The following FAF1 variants were observed in gnomAD, a reference collection of about 807,000 sequenced individuals.
FAF1 encodes FAS-associated factor 1.
In FAF1, 25 loss-of-function variants were observed where a neutral mutation model predicts 92.5. That is an observed-to-expected ratio of 0.27 (90% CI 0.20 to 0.38). FAF1 has a LOEUF of 0.38. Among genes scored for constraint, FAF1 ranks in the 10% least tolerant of loss-of-function variants. The pLI is 1.00. For missense variants in FAF1, 636 were observed against 793.3 expected (o/e 0.80, Z 2.38); for synonymous variants, 234 against 273.2 (o/e 0.86, Z 1.42).
intron 9 of FAF1, among the ~76,000 whole-genome samples, chr1:50,594,552 T>C (rs1651694280): frequency 6.6e-6 from 1 of 151,118 alleles, no homozygotes; most frequent in African/African-American, 2.4e-5. Flanking sequence ...AATTTAAATA[T>C]TTCCTTATAA....
At chr1:50,541,978 G>A (rs1212844774) in intron 13 of FAF1, among the ~76,000 whole-genome samples, 3 of 151,990 alleles carry the variant, frequency 2.0e-5, no homozygotes, top group South Asian at 4.2e-4. Flanking sequence ...GCATGTTTGC[G>A]GTGCAGATCG....
intron 2 of FAF1, among the ~76,000 whole-genome samples, chr1:50,804,483 G>A (rs1453252625): frequency 6.6e-6 from 1 of 152,080 alleles, no homozygotes; most frequent in East Asian, 1.9e-4. Context: ...GTGTTACAGA[G>A]GAGGCAAAGA....
chr1:50,571,477 T>C (rs1255533743), intron 12 of FAF1, among the ~76,000 whole-genome samples: 4 of 152,206 alleles, frequency 2.6e-5, no homozygotes, highest in African/African-American at 9.6e-5. Flanking sequence ...TAGTAGGTGC[T>C]GAATGAAAGG....
chr1:50,744,397 G>A (rs1659508350), intron 5 of FAF1, among the ~76,000 whole-genome samples: 1 of 151,964 alleles, frequency 6.6e-6, no homozygotes, highest in Non-Finnish European at 1.5e-5. Flanking sequence ...TTGAGAAAAA[G>A]GTAAAGCCTC....
At chr1:50,942,290 C>T (rs886657959) in intron 1 of FAF1, among the ~76,000 whole-genome samples, 1 of 152,094 alleles carries the variant, frequency 6.6e-6, no homozygotes, top group South Asian at 2.1e-4. Flanking sequence ...CGCTTGAGCC[C>T]GGGAGTTTGA....
At chr1:50,464,353 C>T (rs955572017) in intron 18 of FAF1, among the ~76,000 whole-genome samples, 1 of 152,080 alleles carries the variant, frequency 6.6e-6, no homozygotes, top group Non-Finnish European at 1.5e-5. Flanking sequence ...TTATTATCTG[C>T]CTTTTACAGG....
chr1:50,639,144 T>G (rs1409178743), intron 8 of FAF1, among the ~76,000 whole-genome samples: 1 of 152,256 alleles, frequency 6.6e-6, no homozygotes, highest in Non-Finnish European at 1.5e-5. Flanking sequence ...TGCTTTTCAT[T>G]TGGAGTAGCA....
At chr1:50,602,653 C>T (rs532709018) in intron 8 of FAF1, among the ~76,000 whole-genome samples, 1 of 151,946 alleles carries the variant, frequency 6.6e-6, no homozygotes, top group Non-Finnish European at 1.5e-5. Context: ...CAGGTGCATG[C>T]CACCAAGTCC....
intron 15 of FAF1, among the ~76,000 whole-genome samples, chr1:50,512,903 T>G (rs1471729152): frequency 1.3e-5 from 2 of 152,232 alleles, no homozygotes; most frequent in Non-Finnish European, 2.9e-5. Context: ...GTCTATCTAT[T>G]GATTTGGTAA....
At chr1:50,635,941 G>C (rs1653988308) in intron 8 of FAF1, among the ~76,000 whole-genome samples, 1 of 152,168 alleles carries the variant, frequency 6.6e-6, no homozygotes, top group South Asian at 2.1e-4. Context: ...CATATGGTTT[G>C]GCCAGTGTAA....
At chr1:50,835,502 C>T (rs1055058586) in intron 2 of FAF1, among the ~76,000 whole-genome samples, 18 of 131,702 alleles carry the variant, frequency 1.4e-4, no homozygotes, top group Non-Finnish European at 2.6e-4. Context: ...ACCCAGGAGG[C>T]GGGGGTTGCA....
chr1:50,468,538 C>A (rs1407619444), intron 18 of FAF1, among the ~76,000 whole-genome samples: 1 of 151,426 alleles, frequency 6.6e-6, no homozygotes, highest in Non-Finnish European at 1.5e-5. Flanking sequence ...CAGCTCACTG[C>A]AACCTCCGCC....
intron 8 of FAF1, among the ~76,000 whole-genome samples, chr1:50,598,168 C>T (rs1448338590): frequency 3.3e-5 from 5 of 152,116 alleles, no homozygotes; most frequent in South Asian, 2.1e-4. Flanking sequence ...TGGGGGTGCA[C>T]GCCTGTAGTC....
chr1:50,495,846 T>A (rs1646891629), intron 15 of FAF1, among the ~76,000 whole-genome samples: 1 of 152,164 alleles, frequency 6.6e-6, no homozygotes, highest in Non-Finnish European at 1.5e-5. Flanking sequence ...CTGATCTGTA[T>A]CAGAATCAGA....
intron 13 of FAF1, among the ~76,000 whole-genome samples, chr1:50,549,887 C>T (rs976696357): frequency 1.3e-5 from 2 of 152,174 alleles, no homozygotes; most frequent in Non-Finnish European, 2.9e-5. Flanking sequence ...GGATTACAGG[C>T]ATGAGCCACT....
intron 2 of FAF1, among the ~76,000 whole-genome samples, chr1:50,816,974 T>G (rs1643983299): frequency 6.6e-6 from 1 of 152,186 alleles, no homozygotes; most frequent in Admixed American, 6.5e-5. Context: ...GTTAACTGGT[T>G]GAAGATTAGA....
At chr1:50,787,922 C>A in intron 4 of FAF1, 78 bp downstream of exon 4, 1 of 1,295,926 alleles carries the variant, frequency 7.7e-7, no homozygotes, top group South Asian at 1.3e-5. Context: ...TGGTAGTCAA[C>A]TAGAAATAAA....
intron 2 of FAF1, among the ~76,000 whole-genome samples, chr1:50,807,868 C>T (rs1309489361): frequency 6.6e-6 from 1 of 152,116 alleles, no homozygotes; most frequent in Middle Eastern, 3.2e-3. Flanking sequence ...TTTTTTCCAA[C>T]CTTGCTAAAC....
intron 4 of FAF1, chr1:50,781,082 A>G: frequency 2.6e-6 from 1 of 388,708 alleles, no homozygotes; most frequent in Admixed American, 2.8e-5. Flanking sequence ...ATTGAGTACC[A>G]GCTCTCACAC....
Sources: gnomAD v4.1 joint callset for allele counts (sites outside exome capture counted in the v4.1 genomes callset) on GRCh38, gnomAD v4.1.1 for gene constraint, MANE v1.5 for transcripts, NCBI Gene and HGNC (gene_info 2026-07-23, HGNC 2026-07-21) for gene names.